The following DISC1 variants were observed in gnomAD, a reference collection of about 807,000 sequenced individuals.
DISC1 encodes the protein disrupted in schizophrenia 1 protein.
Under a neutral mutation model 84.5 loss-of-function variants are expected in DISC1, and 57 were observed. That is an observed-to-expected ratio of 0.67 (90% CI 0.55 to 0.84). DISC1 has a LOEUF of 0.84. DISC1 is among the 40% of genes least tolerant of loss of function. The probability of loss-of-function intolerance (pLI) is 0.00; values close to 1 mark genes in which losing one functional copy is unlikely to be tolerated. For missense variants in DISC1, 1,000 were observed against 1,057.8 expected, an observed-to-expected ratio of 0.95 and a Z score of 0.76; for synonymous variants, 411 against 415.2, an observed-to-expected ratio of 0.99 and a Z score of 0.12.
intron 10 of DISC1, among the ~76,000 whole-genome samples, chr1:231,971,958 C>T (rs752929155): frequency 6.6e-6 from 1 of 152,182 alleles, no homozygotes; most frequent in African/African-American, 2.4e-5. Context: ...GACAATTACA[C>T]GAAGTCATTT....
intron 9 of DISC1, among the ~76,000 whole-genome samples, chr1:231,863,921 A>G (rs1452490768): frequency 6.6e-6 from 1 of 152,174 alleles, no homozygotes; most frequent in Non-Finnish European, 1.5e-5. Flanking sequence ...TCTTGGAGGA[A>G]ATCACTGTGT....
intron 10 of DISC1, chr1:231,959,350 A>G: frequency 1.0e-6 from 1 of 985,836 alleles, no homozygotes; most frequent in Non-Finnish European, 1.2e-6. Context: ...TTTTTTTAAA[A>G]CCCAATTAGG....
At chr1:231,855,651 CCTTCCTAAGGATGG>C (rs1450029530) in intron 9 of DISC1, among the ~76,000 whole-genome samples, 1 of 152,198 alleles carries the variant, frequency 6.6e-6, no homozygotes, top group African/African-American at 2.4e-5. Flanking sequence ...TATGTTCTCT[CCTTCCTAAGGATGG>C]CTTATTTTCC....
chr1:231,707,474 G>A (rs558782093), intron 3 of DISC1, among the ~76,000 whole-genome samples: 43 of 152,032 alleles, frequency 2.8e-4, no homozygotes, highest in Middle Eastern at 3.2e-3. Flanking sequence ...AAAATCTGCT[G>A]ATTAAAACCC....
At chr1:231,749,493 GCT>G (rs1313749521) in intron 3 of DISC1, among the ~76,000 whole-genome samples, 3 of 152,096 alleles carry the variant, frequency 2.0e-5, no homozygotes, top group African/African-American at 7.2e-5. Context: ...ACTGTGACTG[GCT>G]CTATCTGGAT....
chr1:231,795,440 T>C, intron 7 of DISC1, 144 bp downstream of exon 7: 9 of 680,540 alleles, frequency 1.3e-5, no homozygotes, highest in Non-Finnish European at 2.3e-5. Context: ...CAATGATGAG[T>C]TAAAAGAGCC....
At position 231,912,070 on chromosome 1, in the gene DISC1, C is replaced by T. The variant is rs185037844; in HGVS notation, c.1982-46758C>T. ...ATGCTGTTTATTCTAGTTAGCCATT[C>T]GTCTAATGTTTTTTCAAGGTTTTTA... On this transcript the variant is annotated intron_variant, in intron 9 of 12. Transcript: ENST00000439617. Among the ~76,000 whole-genome samples the T allele has an allele frequency of 5.3e-5, 8 of 152,174 alleles. No homozygotes were observed. In the South Asian group the frequency reaches 6.2e-4, roughly 12 times the overall value.
chr1:231,864,796 T>C (rs1292985323), intron 9 of DISC1, among the ~76,000 whole-genome samples: 1 of 152,242 alleles, frequency 6.6e-6, no homozygotes, highest in Admixed American at 6.5e-5. Flanking sequence ...AATTCTTGTA[T>C]ATTGTTCCTT....
rs547057206 is a variant in DISC1, at chr1:231,633,884, C to CTT, written c.67+6966_67+6967dup. 1.8e-3 allele frequency among the ~76,000 whole-genome samples: 242 copies of CTT among 135,402 alleles called. 2 individuals are homozygous for CTT. Among genetic ancestry groups the CTT allele is most frequent in the South Asian group, 7.0e-3 (30 of 4,280 alleles). The allele number at this position is 135,402 out of a possible 152,430, so 88.8% of individuals were successfully genotyped here. A position where few individuals can be genotyped will look rare whatever the true frequency, so the allele number is the denominator to read the frequency against. On this transcript the variant is annotated intron_variant, in intron 1 of 12. Transcript: ENST00000439617. ...AACTTTTCTTTTTCATACCTGTCAT[C>CTT]TTTTTTTTTTTTTTTTTGAAACGGA...
intron 7 of DISC1, among the ~76,000 whole-genome samples, chr1:231,799,848 CT>C: frequency 8.5e-5 from 1 of 11,790 alleles, no homozygotes; most frequent in African/African-American, 3.4e-4. Context: ...CTTCTCTTTC[CT>C]TCCCTTCCTT....
At chr1:231,677,247 G>A (rs140276836) in intron 1 of DISC1, among the ~76,000 whole-genome samples, 3 of 152,020 alleles carry the variant, frequency 2.0e-5, no homozygotes, top group Non-Finnish European at 4.4e-5. Flanking sequence ...TACTGTCTTA[G>A]GAAGATAAAA....
chr1:231,948,283 G>T (rs1237891957), intron 9 of DISC1, among the ~76,000 whole-genome samples: 1 of 152,094 alleles, frequency 6.6e-6, no homozygotes, highest in Non-Finnish European at 1.5e-5. Context: ...CCATAAAAAA[G>T]GATAAGTTCA....
chr1:231,644,647 C>T (rs2059983166), intron 1 of DISC1, among the ~76,000 whole-genome samples: 1 of 152,136 alleles, frequency 6.6e-6, no homozygotes, highest in African/African-American at 2.4e-5. Flanking sequence ...GGCACAACCT[C>T]CTCAACAGTA....
At chr1:231,631,481 C>T (rs1275047322) in intron 1 of DISC1, among the ~76,000 whole-genome samples, 1 of 152,112 alleles carries the variant, frequency 6.6e-6, no homozygotes, top group East Asian at 1.9e-4. Context: ...TGGCTCCATG[C>T]GTGTTTTTGC....
chr1:231,689,128 T>G (rs1160706652), intron 1 of DISC1, among the ~76,000 whole-genome samples: 1 of 152,196 alleles, frequency 6.6e-6, no homozygotes, highest in Non-Finnish European at 1.5e-5. Flanking sequence ...GGGATTAAAA[T>G]TCCTTCCCTG....
At chr1:231,691,315 CA>C (rs972286234) in intron 1 of DISC1, among the ~76,000 whole-genome samples, 6 of 151,972 alleles carry the variant, frequency 3.9e-5, no homozygotes, top group Non-Finnish European at 8.8e-5. Flanking sequence ...CCCGCAATCC[CA>C]GCTACTTGGG....
intron 3 of DISC1, among the ~76,000 whole-genome samples, chr1:231,740,090 C>T (rs1026157424): frequency 6.6e-5 from 10 of 152,290 alleles, no homozygotes; most frequent in African/African-American, 9.6e-5. Flanking sequence ...CTGCCTGAAA[C>T]GTGGCAGCTC....
At chr1:231,869,824 A>T (rs2085329278) in intron 9 of DISC1, among the ~76,000 whole-genome samples, 1 of 152,108 alleles carries the variant, frequency 6.6e-6, no homozygotes, top group Non-Finnish European at 1.5e-5. Context: ...CTTTGTGATG[A>T]TCTTGAGATG....
chr1:231,808,514 C>T (rs1321707178), intron 8 of DISC1, among the ~76,000 whole-genome samples: 1 of 152,244 alleles, frequency 6.6e-6, no homozygotes, highest in East Asian at 1.9e-4. Flanking sequence ...ATCTAGCTGT[C>T]TGTTCTGAGA....
Sources: allele counts gnomAD v4.1 joint callset (sites outside exome capture counted in the v4.1 genomes callset), GRCh38; gene constraint gnomAD v4.1.1; transcripts MANE v1.5; gene names NCBI Gene and HGNC (gene_info 2026-07-23, HGNC 2026-07-21).